The following RELN variants were observed in gnomAD, a reference collection of about 807,000 sequenced individuals.
RELN encodes the protein reelin.
RELN carries 108 observed loss-of-function variants against 427.6 expected under a neutral mutation model. That is an observed-to-expected ratio of 0.25 (90% CI 0.22 to 0.30). The LOEUF is 0.30. Ranked by LOEUF, RELN falls within the 10% of genes least tolerant of loss-of-function variation. The pLI, the probability that RELN is intolerant of heterozygous loss-of-function variation, is 1.00. For synonymous variants in RELN, 1,524 were observed against 1,513.4 expected (o/e 1.01, Z -0.16); for missense variants, 3,715 against 4,302.8 (o/e 0.86, Z 3.82).
chr7:103,794,498 C>G (rs1792248144), intron 3 of RELN, among the ~76,000 whole-genome samples: 1 of 152,166 alleles, frequency 6.6e-6, no homozygotes. Flanking sequence ...TGATTTTTCA[C>G]TTTCCTTGGT....
intron 1 of RELN, among the ~76,000 whole-genome samples, chr7:103,942,621 A>G (rs1270227366): frequency 6.6e-6 from 1 of 152,168 alleles, no homozygotes; most frequent in African/African-American, 2.4e-5. Context: ...ATAGGTATTC[A>G]AAGAATTCTT....
chr7:103,910,503 T>C (rs1584358570), intron 2 of RELN, among the ~76,000 whole-genome samples: 2 of 151,836 alleles, frequency 1.3e-5, no homozygotes, highest in Non-Finnish European at 2.9e-5. Flanking sequence ...AAAAAACTAC[T>C]TTAAGGTTCA....
intron 3 of RELN, among the ~76,000 whole-genome samples, chr7:103,783,982 A>AAAG (rs143224526): frequency 0.11 from 16,455 of 152,152 alleles, 1,016 homozygotes; most frequent in Middle Eastern, 0.14. Flanking sequence ...ATGTAACAGC[A>AAAG]AAGAGAAGGA....
At chr7:103,950,774 A>G (rs1461667136) in intron 1 of RELN, among the ~76,000 whole-genome samples, 1 of 152,182 alleles carries the variant, frequency 6.6e-6, no homozygotes, top group Non-Finnish European at 1.5e-5. Flanking sequence ...TTCCTTTCCA[A>G]TGTTGGATAA....
At chr7:103,948,181 A>C (rs1460588676) in intron 1 of RELN, among the ~76,000 whole-genome samples, 1 of 152,190 alleles carries the variant, frequency 6.6e-6, no homozygotes, top group Admixed American at 6.5e-5. Flanking sequence ...CAACATGTGA[A>C]ACATTTTTAA....
chr7:103,575,578 C>G lies in RELN; in HGVS notation c.4273G>C (p.Gly1425Arg). The G allele has an allele frequency of 6.2e-7, 1 of 1,614,162 alleles. No homozygotes were observed. The highest frequency in any genetic ancestry group is 8.5e-7 in the Non-Finnish European group (1 of 1,180,000). The change falls in exon 29 of 65, where the codon GGA becomes CGA. Residue 1425 changes from glycine to arginine, a missense_variant. Around this residue, in one of 4 missense-constraint regions of RELN, gnomAD observed 2,208 missense variants for 2,361.7 expected, o/e 0.93. Transcript: ENST00000428762. ...YCSGHGDCIS[G>R]VCFCDLGYTA... is the part of the protein sequence containing the mutation. ...TATCCCAGGTCACAGAAACACACTC[C>G]TGAAATGCAGTCCCCATGGCCACTG...
chr7:103,586,188 C>T (rs1831266079), intron 28 of RELN, among the ~76,000 whole-genome samples: 1 of 151,890 alleles, frequency 6.6e-6, no homozygotes, highest in African/African-American at 2.4e-5. Flanking sequence ...ATGGTGAAAT[C>T]CCGTTTCTAC....
chr7:103,510,964 T>G lies in RELN; in HGVS notation c.8161A>C (p.Arg2721=). Reference sequence around the variant, plus strand: ...ACACCATCAGGGGAGTCACAGAATCTTTCTACTGTACAATCATCATGGAAT... The same window carrying G: ...ACACCATCAGGGGAGTCACAGAATCGTTCTACTGTACAATCATCATGGAAT... The part of the protein sequence containing the change: ...WLFHDDCTVE[R]FCDSPDGVML... The change falls in exon 51 of 65, where the codon AGA becomes CGA. Residue 2721 remains arginine (R), a synonymous_variant. Coordinates refer to ENST00000428762, the MANE Select transcript of RELN (RefSeq NM_005045.4). The G allele has an allele frequency of 6.2e-7, 1 of 1,613,584 alleles. No homozygotes were observed. Among genetic ancestry groups the G allele is most frequent in the Non-Finnish European group, 8.5e-7 (1 of 1,179,558 alleles).
At position 103,798,253 on chromosome 7, in the gene RELN, G is replaced by A. The variant is rs148957366; in HGVS notation, c.474-21626C>T. On this transcript the variant is annotated intron_variant, in intron 3 of 64. Coordinates refer to ENST00000428762, the MANE Select transcript of RELN (RefSeq NM_005045.4). ...AACAAATATGTATTTTAAGGAGAAA[G>A]GTATTGTGATTAAGAACATGAGCTC... Among the ~76,000 whole-genome samples, 272 of 152,242 alleles carry A rather than the reference G, an allele frequency of 1.8e-3. 1 individual carries two copies. Among genetic ancestry groups the A allele is most frequent in the African/African-American group, 6.3e-3 (261 of 41,540 alleles).
chr7:103,590,593 T>C (rs143725629), intron 27 of RELN, among the ~76,000 whole-genome samples: 1 of 69,950 alleles, frequency 1.4e-5, no homozygotes, highest in African/African-American at 5.6e-5. Context: ...AATAAATAAA[T>C]AAATAAATAT....
chr7:103,931,794 G>C (rs573497328), intron 1 of RELN, among the ~76,000 whole-genome samples: 1 of 152,110 alleles, frequency 6.6e-6, no homozygotes, highest in Admixed American at 6.5e-5. Flanking sequence ...TGCTTCCACT[G>C]TCCAGGCAGC....
intron 28 of RELN, among the ~76,000 whole-genome samples, chr7:103,589,304 T>G (rs1347291583): frequency 3.3e-5 from 5 of 152,228 alleles, no homozygotes; most frequent in Non-Finnish European, 7.3e-5. Context: ...TCTTTATGTA[T>G]ACATTTTGTC....
Position 103,909,812 on chromosome 7 carries a change from TATTATATATAAAATATATATATTTA to T in RELN, c.337+7238_337+7262del, listed in dbSNP as rs1795320476. ...ATATTAAATATATATTAATATATAA[TATTATATATAAAATATATATATTTA>T]ATATATATATTTAAATAATTCATTT... On this transcript the variant is annotated intron_variant, in intron 2 of 64. Transcript: ENST00000428762. Among the ~76,000 whole-genome samples, 2 of 50,160 alleles carry T rather than the reference TATTATATATAAAATATATATATTTA, an allele frequency of 4.0e-5. 1 individual carries two copies. The highest frequency in any genetic ancestry group is 1.8e-4 in the African/African-American group (2 of 10,950). The allele number at this position is 50,160 out of a possible 152,430, so 32.9% of individuals were successfully genotyped here.
At position 103,563,150 on chromosome 7, in the gene RELN, A is replaced by G. The variant is rs958657008; in HGVS notation, c.5211-1197T>C. On this transcript the variant is annotated intron_variant, in intron 34 of 64. Transcript: ENST00000428762. The surrounding 1 kb of genome is among the most constrained non-coding windows in gnomAD (Gnocchi z 4.1). The stretch of plus-strand genomic sequence containing the variant: ...CTCCTGTGTTTCAATAATATCTCTG[A>G]GTACTTCCTCTGGTATCATCTTATA... Among the ~76,000 whole-genome samples, 1 of 152,186 alleles carries G rather than the reference A, an allele frequency of 6.6e-6. No homozygotes were observed. The highest frequency in any genetic ancestry group is 1.5e-5 in the Non-Finnish European group (1 of 68,030).
Position 103,917,064 on chromosome 7 carries a change from GAA to G in RELN, c.337+9_337+10del. The G allele has an allele frequency of 6.2e-7, 1 of 1,604,234 alleles. No homozygotes were observed. The highest frequency in any genetic ancestry group is 8.5e-7 in the Non-Finnish European group (1 of 1,171,176). On this transcript the variant is annotated intron_variant, in intron 2 of 64. Coordinates refer to ENST00000428762, the MANE Select transcript of RELN (RefSeq NM_005045.4). ...ATACCCCCAAATTTCTGGTTTGTGA[GAA>G]TAGCTTACCAAATCCGAAAGCACTG... is the stretch of plus-strand genomic sequence containing the variant.
rs149669218 is a variant in RELN at position 103,882,748 on chromosome 7, T to C, written c.337+34327A>G. 3.9e-3 allele frequency among the ~76,000 whole-genome samples: 597 copies of C among 152,282 alleles called. 22 individuals carry two copies. The East Asian group carries it at 0.071, about 18-fold the overall frequency. On this transcript the variant is annotated intron_variant, in intron 2 of 64. Transcript: ENST00000428762. ...CTCCCAAGACTAAACCAGGGAGAAG[T>C]TGAATCCCTGAACAGACCAAAAACA...
intron 3 of RELN, among the ~76,000 whole-genome samples, chr7:103,827,684 T>G: frequency 6.6e-6 from 1 of 152,120 alleles, no homozygotes; most frequent in South Asian, 2.1e-4. Flanking sequence ...GTTAGGCTCC[T>G]AGCTGTTTAC....
At chr7:103,605,772 C>T (rs1831804519) in intron 22 of RELN, among the ~76,000 whole-genome samples, 1 of 152,146 alleles carries the variant, frequency 6.6e-6, no homozygotes, top group Non-Finnish European at 1.5e-5. Flanking sequence ...TAAGTACTCC[C>T]TAAGTACATA....
At chr7:103,986,450 A>G (rs939312436) in intron 1 of RELN, among the ~76,000 whole-genome samples, 4 of 152,102 alleles carry the variant, frequency 2.6e-5, no homozygotes, top group Admixed American at 2.6e-4. Context: ...TAAATACGAC[A>G]CATACAGGGA....
Sources: gnomAD v4.1 joint callset for allele counts (sites outside exome capture counted in the v4.1 genomes callset) on GRCh38, gnomAD v4.1.1 for gene constraint, gnomAD v4.1.1 regional missense constraint, Gnocchi (gnomAD v3.1) non-coding constraint, MANE v1.5 for transcripts, NCBI Gene and HGNC (gene_info 2026-07-23, HGNC 2026-07-21) for gene names.